SNRPN: variants seen among roughly 807,000 people sequenced by gnomAD.
The protein encoded by SNRPN is small nuclear ribonucleoprotein polypeptide N.
SNRPN carries 7 observed loss-of-function variants against 25.2 expected under a neutral mutation model. That is an observed-to-expected ratio of 0.28 (90% CI 0.16 to 0.52). SNRPN has a LOEUF of 0.52. Among genes scored for constraint, SNRPN ranks in the 20% least tolerant of loss-of-function variants. The pLI is 0.96. For synonymous variants in SNRPN, 124 were observed against 110.6 expected (o/e 1.12, Z -0.76); for missense variants, 196 against 322.5 (o/e 0.61, Z 3.00).
intron 2 of SNRPN, among the ~76,000 whole-genome samples, chr15:24,918,651 C>T (rs1257493220): frequency 2.0e-4 from 15 of 74,332 alleles, no homozygotes; most frequent in East Asian, 3.1e-4. Flanking sequence ...TATATGTGTG[C>T]ATATATATAA....
intron 2 of SNRPN, among the ~76,000 whole-genome samples, chr15:24,894,349 GC>G (rs1315773056): frequency 6.6e-6 from 1 of 152,098 alleles, no homozygotes; most frequent in Non-Finnish European, 1.5e-5. Context: ...CTCCCAAGTA[GC>G]TGGGACTACA....
intron 2 of SNRPN, among the ~76,000 whole-genome samples, chr15:24,894,433 TG>T (rs2057931690): frequency 6.6e-6 from 1 of 152,142 alleles, no homozygotes; most frequent in African/African-American, 2.4e-5. Flanking sequence ...TTAGCCAGGA[TG>T]TGTCTTGATC....
chr15:24,887,572 G>T (rs576463881), intron 2 of SNRPN, among the ~76,000 whole-genome samples: 1 of 152,248 alleles, frequency 6.6e-6, no homozygotes, highest in African/African-American at 2.4e-5. Context: ...GGGAGGCCGA[G>T]GCAGGCTCAC....
At chr15:24,869,350 G>T (rs2054872891) in intron 1 of SNRPN, among the ~76,000 whole-genome samples, 2 of 152,246 alleles carry the variant, frequency 1.3e-5, no homozygotes. Flanking sequence ...ATTAGTGGGT[G>T]ATATTTGTCA....
intron 1 of SNRPN, among the ~76,000 whole-genome samples, chr15:24,877,021 G>A (rs762046700): frequency 6.6e-6 from 1 of 152,180 alleles, no homozygotes; most frequent in Non-Finnish European, 1.5e-5. Context: ...TAGGAACACA[G>A]CTGTTGAAAT....
chr15:24,950,594 G>A (rs1483182935), upstream of SNRPN, among the ~76,000 whole-genome samples: 1 of 145,388 alleles, frequency 6.9e-6, no homozygotes, highest in Non-Finnish European at 1.5e-5. Context: ...CATCACCCAG[G>A]CGGAGTGCAG....
intron 1 of SNRPN, among the ~76,000 whole-genome samples, chr15:24,825,623 T>C (rs11161140): frequency 0.14 from 21,440 of 152,096 alleles, 1,898 homozygotes; most frequent in South Asian, 0.22. Context: ...AAAATGTGTT[T>C]AACATGCCTA....
At chr15:24,897,743 T>C (rs1034419360) in intron 2 of SNRPN, among the ~76,000 whole-genome samples, 8 of 152,190 alleles carry the variant, frequency 5.3e-5, no homozygotes, top group African/African-American at 1.9e-4. Context: ...CTTTTATAAA[T>C]GGGAGTTCCC....
At chr15:24,827,430 G>A (rs1224088027) in intron 1 of SNRPN, among the ~76,000 whole-genome samples, 2 of 148,616 alleles carry the variant, frequency 1.3e-5, no homozygotes, top group Admixed American at 6.8e-5. Context: ...GCGGGAGAAT[G>A]GGGTGAACCT....
At chr15:24,836,891 G>A (rs1044695976) in intron 2 of SNRPN, among the ~76,000 whole-genome samples, 1 of 152,092 alleles carries the variant, frequency 6.6e-6, no homozygotes, top group Non-Finnish European at 1.5e-5. Flanking sequence ...GACTGTTCAG[G>A]TTCTTCTTGG....
chr15:24,898,917 C>G (rs1486985480), intron 2 of SNRPN, among the ~76,000 whole-genome samples: 3 of 151,882 alleles, frequency 2.0e-5, no homozygotes, highest in Non-Finnish European at 4.4e-5. Context: ...GGTGATCAAA[C>G]AAAGAAACAG....
chr15:24,830,345 T>C (rs1444956976), intron 2 of SNRPN, among the ~76,000 whole-genome samples: 2 of 152,080 alleles, frequency 1.3e-5, no homozygotes, highest in African/African-American at 4.8e-5. Flanking sequence ...GGGACTGTTA[T>C]GCTATCCTAC....
Position 24,889,496 on chromosome 15 carries a change from A to G in SNRPN, c.-505+2907A>G, listed in dbSNP as rs368952397. ...TTTTTTTTGTATTTTTAGTAGAGAC[A>G]GGGTTTCACCGTGTTAGCCAGGATG... On this transcript the variant is annotated intron_variant, in intron 2 of 11. Coordinates refer to the SNRPN transcript ENST00000400097. Among the ~76,000 whole-genome samples, 196 of 150,936 alleles carry G rather than the reference A, an allele frequency of 1.3e-3. 2 individuals are homozygous for G. In the South Asian group the frequency reaches 0.025, roughly 19 times the overall value.
chr15:24,927,512 T>TTTTTTTC (rs2060494414), intron 3 of SNRPN, among the ~76,000 whole-genome samples: 1 of 110,582 alleles, frequency 9.0e-6, no homozygotes, highest in African/African-American at 3.4e-5. Flanking sequence ...TTTTTTTTTT[T>TTTTTTTC]TTTTTTACTT....
chr15:24,827,866 CAAA>C (rs5811361), intron 1 of SNRPN, among the ~76,000 whole-genome samples: 15 of 135,122 alleles, frequency 1.1e-4, no homozygotes, highest in Non-Finnish European at 1.1e-4. Context: ...GACTCCATCT[CAAA>C]AAAAAAAAAA....
At chr15:24,852,912 C>A (rs963716580), upstream of SNRPN, among the ~76,000 whole-genome samples, 14 of 151,696 alleles carry the variant, frequency 9.2e-5, no homozygotes, top group Admixed American at 7.9e-4. Context: ...CCAACCTGGG[C>A]AAGAGAGTGA....
At chr15:24,839,473 C>T (rs1285805110) in intron 2 of SNRPN, among the ~76,000 whole-genome samples, 1 of 152,050 alleles carries the variant, frequency 6.6e-6, no homozygotes, top group African/African-American at 2.4e-5. Context: ...TTTGTCCCCA[C>T]AAAGAGGCTC....
chr15:24,922,364 T>A (rs1380387369), intron 3 of SNRPN, among the ~76,000 whole-genome samples: 1 of 152,246 alleles, frequency 6.6e-6, no homozygotes, highest in Admixed American at 6.5e-5. Flanking sequence ...ATTTCAGGTC[T>A]ACTACCTTGA....
chr15:24,835,324 A>G (rs2051069669), intron 2 of SNRPN, among the ~76,000 whole-genome samples: 1 of 151,708 alleles, frequency 6.6e-6, no homozygotes, highest in South Asian at 2.1e-4. Context: ...GCTGTAGTAA[A>G]TGTGCATTGT....
Sources: gnomAD v4.1 joint callset for allele counts (sites outside exome capture counted in the v4.1 genomes callset) on GRCh38, gnomAD v4.1.1 for gene constraint, MANE v1.5 for transcripts, NCBI Gene and HGNC (gene_info 2026-07-23, HGNC 2026-07-21) for gene names.